RAPGEF5: variants seen among roughly 807,000 people sequenced by gnomAD.
RAPGEF5 encodes the protein Rap guanine nucleotide exchange factor 5.
Under a neutral mutation model 125.2 loss-of-function variants are expected in RAPGEF5, and 65 were observed. The observed-to-expected ratio is 0.52, with a 90% CI of 0.43 to 0.64. The LOEUF (loss-of-function observed/expected upper bound fraction) is 0.64, where lower values mean the gene tolerates loss of function less well. Ranked by LOEUF, RAPGEF5 falls within the 30% of genes least tolerant of loss-of-function variation. The pLI, the probability that RAPGEF5 is intolerant of heterozygous loss-of-function variation, is 0.00. For synonymous variants in RAPGEF5, 391 were observed against 385.9 expected, an observed-to-expected ratio of 1.01 and a Z score of -0.16; for missense variants, 958 against 1,048.1, an observed-to-expected ratio of 0.91 and a Z score of 1.19.
At chr7:22,233,023 G>A (rs1234136806) in intron 7 of RAPGEF5, among the ~76,000 whole-genome samples, 1 of 152,128 alleles carries the variant, frequency 6.6e-6, no homozygotes, top group Non-Finnish European at 1.5e-5. Context: ...CTGTTCAAAG[G>A]GGGTTCCCTG....
intron 7 of RAPGEF5, among the ~76,000 whole-genome samples, chr7:22,233,444 A>T (rs1034900698): frequency 1.3e-5 from 2 of 152,356 alleles, no homozygotes; most frequent in East Asian, 3.9e-4. Context: ...TAAAACAACA[A>T]TGCTGTAGGG....
intron 5 of RAPGEF5, among the ~76,000 whole-genome samples, chr7:22,304,807 A>T (rs4236305): frequency 0.027 from 4,073 of 152,320 alleles, 81 homozygotes; most frequent in East Asian, 0.083. Context: ...AGTTCATTGA[A>T]CTGCTCCTTG....
intron 24 of RAPGEF5, among the ~76,000 whole-genome samples, chr7:22,125,875 A>T (rs1239690440): frequency 6.6e-6 from 1 of 152,110 alleles, no homozygotes; most frequent in Non-Finnish European, 1.5e-5. Flanking sequence ...AGAATGGGTG[A>T]GGTGGCTCTC....
chr7:22,157,363 G>A (rs1419756), intron 15 of RAPGEF5, among the ~76,000 whole-genome samples: 119,404 of 152,134 alleles, frequency 0.78, 47,061 homozygotes, highest in Non-Finnish European at 0.83. Flanking sequence ...TTATCCACCT[G>A]ATATAGCTGT....
At chr7:22,135,161 G>A (rs116605793) in intron 23 of RAPGEF5, among the ~76,000 whole-genome samples, 1,567 of 152,290 alleles carry the variant, frequency 0.01, 24 homozygotes, top group Middle Eastern at 0.051. Flanking sequence ...TTCCCACACA[G>A]CTCATTTCTA....
intron 18 of RAPGEF5, among the ~76,000 whole-genome samples, chr7:22,147,245 C>T (rs1280455771): frequency 2.0e-5 from 3 of 152,178 alleles, no homozygotes; most frequent in South Asian, 2.1e-4. Context: ...TTCGCCCGCT[C>T]CTCCCCCATC....
intron 11 of RAPGEF5, among the ~76,000 whole-genome samples, chr7:22,189,106 T>C (rs1784912699): frequency 6.8e-6 from 1 of 147,524 alleles, no homozygotes; most frequent in Non-Finnish European, 1.5e-5. Context: ...TCAGGCCTAA[T>C]GAGAATCAGC....
Position 22,139,826 on chromosome 7 carries a change from C to T in RAPGEF5, c.2277+199G>A, listed in dbSNP as rs933352663. 4.1e-5 allele frequency: 20 copies of T among 489,436 alleles called. No homozygotes were observed. The East Asian group carries it at 6.9e-4, about 17-fold the overall frequency. 30.3% of individuals were successfully genotyped at this position (489,436 alleles called of 1,614,324 possible). On this transcript the variant is annotated intron_variant, in intron 21 of 25. Transcript: ENST00000665637. ...GGACAGAGGGGAAGACTAATTCTAG[C>T]TGGGGAGCACGTTACCATTTTTATC...
At chr7:22,349,316 C>T (rs1485727797) in intron 1 of RAPGEF5, among the ~76,000 whole-genome samples, 2 of 148,814 alleles carry the variant, frequency 1.3e-5, no homozygotes, top group African/African-American at 5.0e-5. Flanking sequence ...CCCAGCTACT[C>T]AGGAGGCTGA....
At chr7:22,220,090 C>T (rs1482151518) in intron 8 of RAPGEF5, 99 bp from the exon 9 acceptor site, 6 of 1,408,194 alleles carry the variant, frequency 4.3e-6, no homozygotes, top group Non-Finnish European at 5.9e-6. Context: ...ATCTTTTCCA[C>T]TGCCTGGATT....
At chr7:22,185,976 C>T (rs896446230) in intron 11 of RAPGEF5, among the ~76,000 whole-genome samples, 11 of 152,020 alleles carry the variant, frequency 7.2e-5, no homozygotes, top group African/African-American at 2.7e-4. Context: ...TGCCTCAGTG[C>T]CACCACTTCT....
At chr7:22,321,391 G>A (rs1041389448) in intron 1 of RAPGEF5, among the ~76,000 whole-genome samples, 8 of 152,190 alleles carry the variant, frequency 5.3e-5, no homozygotes, top group Non-Finnish European at 2.9e-5. Context: ...TTCCAGAGTT[G>A]CTAAAAATAT....
intron 8 of RAPGEF5, among the ~76,000 whole-genome samples, chr7:22,223,816 T>A (rs559188255): frequency 6.6e-6 from 1 of 152,060 alleles, no homozygotes; most frequent in Admixed American, 6.6e-5. Flanking sequence ...AAGAAGAGAG[T>A]TATGATCTGA....
intron 7 of RAPGEF5, among the ~76,000 whole-genome samples, chr7:22,244,408 G>A (rs1448440306): frequency 6.6e-6 from 1 of 152,072 alleles, no homozygotes; most frequent in African/African-American, 2.4e-5. Context: ...ATTACCGCCT[G>A]AGCTCTACCT....
chr7:22,248,792 A>G (rs1786545067), intron 7 of RAPGEF5, among the ~76,000 whole-genome samples: 1 of 152,158 alleles, frequency 6.6e-6, no homozygotes, highest in South Asian at 2.1e-4. Context: ...AAACATGCTA[A>G]AACAATACTA....
chr7:22,183,268 CAAAAAAAAAAAAAAA>C (rs757079018), intron 11 of RAPGEF5, among the ~76,000 whole-genome samples: 1 of 30,978 alleles, frequency 3.2e-5, no homozygotes, highest in East Asian at 1.3e-3. Context: ...GACTCCATCA[CAAAAAAAAAAAAAAA>C]AAAAAAAAAA....
chr7:22,195,053 G>T (rs1785114567), intron 9 of RAPGEF5, among the ~76,000 whole-genome samples: 1 of 152,206 alleles, frequency 6.6e-6, no homozygotes, highest in Non-Finnish European at 1.5e-5. Context: ...CAGTAAGTAG[G>T]TTTCACCTTA....
chr7:22,171,261 G>T (rs1784341578), intron 11 of RAPGEF5, among the ~76,000 whole-genome samples: 2 of 151,966 alleles, frequency 1.3e-5, no homozygotes, highest in Admixed American at 1.3e-4. Flanking sequence ...AAATCCACTG[G>T]CATCCAAATT....
intron 7 of RAPGEF5, among the ~76,000 whole-genome samples, chr7:22,258,876 C>T (rs1782074617): frequency 6.6e-6 from 1 of 151,936 alleles, no homozygotes. Context: ...AAATGGGCCC[C>T]AGACCTACAT....
Sources: gnomAD v4.1 joint callset for allele counts (sites outside exome capture counted in the v4.1 genomes callset) on GRCh38, gnomAD v4.1.1 for gene constraint, MANE v1.5 for transcripts, NCBI Gene and HGNC (gene_info 2026-07-23, HGNC 2026-07-21) for gene names.